The following C1orf185 variants were observed in gnomAD, a reference collection of about 807,000 sequenced individuals.
The protein encoded by C1orf185 is uncharacterized protein C1orf185.
In C1orf185, 13 loss-of-function variants were observed where a neutral mutation model predicts 16.1. The observed-to-expected ratio is 0.81, with a 90% CI of 0.53 to 1.28. The LOEUF is 1.28. C1orf185 is among the 50% of genes most tolerant of loss of function. The pLI is 0.00. For missense variants in C1orf185, 220 were observed against 225.2 expected, an observed-to-expected ratio of 0.98 and a Z score of 0.15; for synonymous variants, 80 against 76.9, an observed-to-expected ratio of 1.04 and a Z score of -0.21.
rs117201497 is a variant in C1orf185, at chr1:51,114,529, C to T, written c.122+1960C>T. Reference sequence around the variant, plus strand: ...CTTGAGGCTAAGAGTTCGAGACCAGCCTGGCCATCATGGCAAAACTTTGTC... The same window carrying T: ...CTTGAGGCTAAGAGTTCGAGACCAGTCTGGCCATCATGGCAAAACTTTGTC... On this transcript the variant is annotated intron_variant, in intron 2 of 4. Coordinates refer to ENST00000371759, the MANE Select transcript of C1orf185 (RefSeq NM_001136508.2). 1.4e-3 allele frequency among the ~76,000 whole-genome samples: 217 copies of T among 152,190 alleles called. 3 individuals are homozygous for T. In the East Asian group the frequency reaches 0.026, roughly 18 times the overall value.
intron 2 of C1orf185, 42 bp downstream of exon 2, chr1:51,112,611 A>C: frequency 6.9e-7 from 1 of 1,454,612 alleles, no homozygotes; most frequent in Non-Finnish European, 9.2e-7. Flanking sequence ...TTTTTCTTTT[A>C]AAAATTCAAT....
At chr1:51,107,000 G>A (rs779151310) in intron 1 of C1orf185, among the ~76,000 whole-genome samples, 3 of 151,994 alleles carry the variant, frequency 2.0e-5, no homozygotes, top group Non-Finnish European at 4.4e-5. Flanking sequence ...CTTGTGATCC[G>A]CCCACCTCAG....
chr1:51,144,169 A>T (rs1467912183), intron 3 of C1orf185, among the ~76,000 whole-genome samples: 6 of 152,192 alleles, frequency 3.9e-5, no homozygotes, highest in Non-Finnish European at 1.5e-5. Context: ...CAGACCAGCA[A>T]TATCAACATT....
chr1:51,113,346 AT>A, intron 2 of C1orf185, among the ~76,000 whole-genome samples: 1 of 151,824 alleles, frequency 6.6e-6, no homozygotes, highest in South Asian at 2.1e-4. Context: ...CAACTGTAAA[AT>A]TTGCTGTTTC....
downstream of C1orf185, among the ~76,000 whole-genome samples, chr1:51,149,113 T>C (rs912216750): frequency 5.9e-5 from 9 of 152,314 alleles, no homozygotes; most frequent in African/African-American, 1.9e-4. Context: ...TTCTGAGGGA[T>C]GTCTGACACT....
chr1:51,117,193 G>A (rs1187809952), intron 2 of C1orf185, among the ~76,000 whole-genome samples: 2 of 152,056 alleles, frequency 1.3e-5, no homozygotes, highest in African/African-American at 2.4e-5. Flanking sequence ...AATATTTGTC[G>A]AGAATTGAAT....
chr1:51,114,821 T>C (rs904069561), intron 2 of C1orf185, among the ~76,000 whole-genome samples: 10 of 152,216 alleles, frequency 6.6e-5, no homozygotes, highest in African/African-American at 2.2e-4. Context: ...CTGCATAGAT[T>C]TGAAATGTAC....
intron 3 of C1orf185, among the ~76,000 whole-genome samples, chr1:51,136,380 G>A (rs1646324155): frequency 6.7e-6 from 1 of 149,738 alleles, no homozygotes; most frequent in Non-Finnish European, 1.5e-5. Flanking sequence ...CTGTCACCCA[G>A]GCTGGAGTGC....
chr1:51,140,370 A>C (rs374988812), intron 3 of C1orf185, among the ~76,000 whole-genome samples: 120 of 152,312 alleles, frequency 7.9e-4, no homozygotes, highest in African/African-American at 2.7e-3. Flanking sequence ...TTCTTTTAGT[A>C]GAGGGAAAAT....
chr1:51,108,590 C>A (rs552001805), intron 1 of C1orf185, among the ~76,000 whole-genome samples: 2 of 152,246 alleles, frequency 1.3e-5, no homozygotes, highest in Admixed American at 6.5e-5. Context: ...TTCCCCCACT[C>A]CCTTCCCAGT....
downstream of C1orf185, among the ~76,000 whole-genome samples, chr1:51,151,473 A>G (rs897480655): frequency 6.6e-6 from 1 of 152,140 alleles, no homozygotes; most frequent in Admixed American, 6.6e-5. Flanking sequence ...AAAGTAAATA[A>G]ATAAGAATAA....
At chr1:51,144,115 T>G (rs1193349834) in intron 3 of C1orf185, among the ~76,000 whole-genome samples, 8 of 152,300 alleles carry the variant, frequency 5.3e-5, no homozygotes, top group African/African-American at 1.9e-4. Flanking sequence ...TTCCCTTATT[T>G]TGGGTAGAAT....
intron 3 of C1orf185, among the ~76,000 whole-genome samples, chr1:51,142,436 C>A (rs1391474005): frequency 2.0e-5 from 3 of 152,294 alleles, no homozygotes; most frequent in Middle Eastern, 3.4e-3. Flanking sequence ...CAGTGTTTAT[C>A]TGTGGATTTT....
At chr1:51,120,066 GA>G (rs943932565) in intron 3 of C1orf185, among the ~76,000 whole-genome samples, 2 of 152,132 alleles carry the variant, frequency 1.3e-5, no homozygotes, top group African/African-American at 2.4e-5. Flanking sequence ...TTGTCGGGAA[GA>G]AAGAGAACAA....
At chr1:51,149,777 A>G (rs1646421647), downstream of C1orf185, among the ~76,000 whole-genome samples, 1 of 152,194 alleles carries the variant, frequency 6.6e-6, no homozygotes, top group Non-Finnish European at 1.5e-5. Context: ...ACATTTGCAA[A>G]ATGAAAACTG....
intron 3 of C1orf185, among the ~76,000 whole-genome samples, chr1:51,126,695 C>T (rs1489121065): frequency 6.6e-6 from 1 of 152,176 alleles, no homozygotes; most frequent in African/African-American, 2.4e-5. Context: ...ACCCAGTTTT[C>T]CTCCAGTGCT....
intron 1 of C1orf185, chr1:51,107,211 A>T (rs986145761): frequency 6.6e-6 from 1 of 152,154 alleles, no homozygotes; most frequent in African/African-American, 2.4e-5. Flanking sequence ...CTTACCCGCC[A>T]CTCCATAAAA....
intron 3 of C1orf185, among the ~76,000 whole-genome samples, chr1:51,140,109 C>T (rs1646354639): frequency 1.3e-5 from 2 of 152,284 alleles, no homozygotes; most frequent in Admixed American, 6.5e-5. Context: ...AACAGTAATG[C>T]GCTCTACTAC....
chr1:51,138,981 C>G (rs1041143063), intron 3 of C1orf185, among the ~76,000 whole-genome samples: 1 of 152,098 alleles, frequency 6.6e-6, no homozygotes, highest in African/African-American at 2.4e-5. Flanking sequence ...ATCCACTGTG[C>G]CCAGGCCATG....
Sources: gnomAD v4.1 joint callset for allele counts (sites outside exome capture counted in the v4.1 genomes callset) on GRCh38, gnomAD v4.1.1 for gene constraint, MANE v1.5 for transcripts, NCBI Gene and HGNC (gene_info 2026-07-23, HGNC 2026-07-21) for gene names.